Variants in IFT88 observed in about 807,000 individuals in gnomAD.
The protein encoded by IFT88 is intraflagellar transport protein 88 homolog.
In IFT88, 74 loss-of-function variants were observed where a neutral mutation model predicts 119.5. The observed-to-expected ratio is 0.62, with a 90% confidence interval of 0.51 to 0.75. The LOEUF (loss-of-function observed/expected upper bound fraction) is 0.75, where lower values mean the gene tolerates loss of function less well. IFT88 is among the 30% of genes least tolerant of loss of function. The probability of loss-of-function intolerance (pLI) is 0.00; values close to 1 mark genes in which losing one functional copy is unlikely to be tolerated. For missense variants in IFT88, 961 were observed against 977.7 expected, an observed-to-expected ratio of 0.98 and a Z score of 0.23; for synonymous variants, 279 against 316.7, an observed-to-expected ratio of 0.88 and a Z score of 1.26.
intron 15 of IFT88, 66 bp downstream of exon 15, chr13:20,625,915 T>C: frequency 2.9e-6 from 2 of 687,840 alleles, no homozygotes; most frequent in Middle Eastern, 4.1e-4. Flanking sequence ...TAAAAACAGG[T>C]AAACTCCTTT....
chr13:20,624,763 A>G (rs943350500), intron 14 of IFT88, among the ~76,000 whole-genome samples: 2 of 152,142 alleles, frequency 1.3e-5, no homozygotes, highest in Non-Finnish European at 2.9e-5. Flanking sequence ...AGGTTTCCTT[A>G]CACTTGCTCA....
intron 23 of IFT88, among the ~76,000 whole-genome samples, chr13:20,664,876 G>A (rs1050496023): frequency 1.3e-5 from 2 of 152,080 alleles, no homozygotes; most frequent in Non-Finnish European, 2.9e-5. Flanking sequence ...TCAGGAGATC[G>A]AGACCATCCT....
At position 20,662,492 on chromosome 13, in the gene IFT88, C is replaced by T. The variant is rs144599772; in HGVS notation, c.2069-1006C>T. Among the ~76,000 whole-genome samples, 168 of 152,192 alleles carry T rather than the reference C, an allele frequency of 1.1e-3. 2 individuals carry two copies. The highest frequency in any genetic ancestry group is 3.8e-3 in the African/African-American group (157 of 41,536). The stretch of plus-strand genomic sequence containing the variant: ...TCCTGATACCAAAGCCACACAGAGA[C>T]ACAACAAAAAAAGAGAATTTTAGAC... On this transcript the variant is annotated intron_variant, in intron 22 of 25. Coordinates refer to ENST00000351808, the MANE Select transcript of IFT88 (RefSeq NM_006531.5).
chr13:20,680,344 C>T (rs181653795), intron 24 of IFT88, among the ~76,000 whole-genome samples: 55 of 152,302 alleles, frequency 3.6e-4, no homozygotes, highest in African/African-American at 1.2e-3. Flanking sequence ...AGGGCTTAGA[C>T]GGGCCTCTAT....
chr13:20,679,596 A>G (rs1036921015), intron 24 of IFT88, among the ~76,000 whole-genome samples: 1 of 152,312 alleles, frequency 6.6e-6, no homozygotes, highest in East Asian at 1.9e-4. Flanking sequence ...CAAGAAAACA[A>G]TCTATATTCT....
chr13:20,571,319 G>T (rs1473164454), intron 1 of IFT88, among the ~76,000 whole-genome samples: 1 of 152,196 alleles, frequency 6.6e-6, no homozygotes, highest in Admixed American at 6.5e-5. Context: ...TTAGGAATTT[G>T]CTGGTGCACT....
intron 3 of IFT88, among the ~76,000 whole-genome samples, chr13:20,588,506 T>C (rs189123178): frequency 6.6e-6 from 1 of 152,328 alleles, no homozygotes; most frequent in Admixed American, 6.5e-5. Flanking sequence ...AGAGATACTT[T>C]ATGGCTCTAT....
In IFT88 at chr13:20,671,035, C is replaced by T. The variant is rs202072254; in HGVS notation, c.2238C>T (p.Ser746=). The T allele has an allele frequency of 1.3e-3, 2,125 of 1,613,150 alleles. 47 individuals are homozygous for T. The South Asian group carries it at 0.017, about 13-fold the overall frequency. ...GTGGCAAAAGAGAAGGAAGTGCTAG[C>T]GGTGGTAAGTATTTTCTCTTTCCCT... ...GSRGKREGSA[S]GDSGQNYSAS... Residue 746 remains serine, a synonymous_variant, in exon 24 of 26, where the codon AGC becomes AGT. Transcript: ENST00000351808.
chr13:20,588,952 T>C (rs1334541626), intron 3 of IFT88, among the ~76,000 whole-genome samples: 1 of 152,188 alleles, frequency 6.6e-6, no homozygotes, highest in East Asian at 1.9e-4. Context: ...CAGGCCCTCA[T>C]CACCAGTGTT....
chr13:20,656,522 C>T (rs556170083), intron 22 of IFT88, 92 bp downstream of exon 22: 88 of 477,682 alleles, frequency 1.8e-4, no homozygotes, highest in African/African-American at 1.2e-3. Context: ...TAATTGTATA[C>T]GTAAATACCA....
At chr13:20,628,677 G>A (rs576963642) in intron 15 of IFT88, among the ~76,000 whole-genome samples, 3 of 152,170 alleles carry the variant, frequency 2.0e-5, no homozygotes, top group Admixed American at 6.5e-5. Flanking sequence ...GAATAATTAT[G>A]TAGCCTTTTT....
intron 15 of IFT88, among the ~76,000 whole-genome samples, chr13:20,628,492 T>G (rs1353823905): frequency 6.6e-6 from 1 of 152,228 alleles, no homozygotes; most frequent in Non-Finnish European, 1.5e-5. Flanking sequence ...CCATTTAGAA[T>G]GAAATTTAAT....
At chr13:20,624,490 G>C (rs2047004740) in intron 14 of IFT88, among the ~76,000 whole-genome samples, 1 of 152,184 alleles carries the variant, frequency 6.6e-6, no homozygotes. Context: ...AAACAGAAAG[G>C]CAGGGGAAGG....
intron 24 of IFT88, among the ~76,000 whole-genome samples, chr13:20,675,132 A>C (rs7325875): frequency 0.26 from 38,831 of 151,924 alleles, 6,472 homozygotes; most frequent in African/African-American, 0.47. Flanking sequence ...CAGTGCCCAC[A>C]AGGGAGGACG....
intron 21 of IFT88, among the ~76,000 whole-genome samples, chr13:20,654,516 T>A (rs1326917881): frequency 2.0e-5 from 3 of 152,210 alleles, no homozygotes; most frequent in Non-Finnish European, 2.9e-5. Flanking sequence ...GAGAGAAATG[T>A]GAACAAATTT....
intron 7 of IFT88, among the ~76,000 whole-genome samples, chr13:20,594,966 A>T (rs952772991): frequency 2.0e-5 from 3 of 152,238 alleles, no homozygotes; most frequent in Non-Finnish European, 4.4e-5. Flanking sequence ...ATTGATGTGT[A>T]TTCAGAGTAT....
At chr13:20,617,155 A>G (rs1436757365) in intron 14 of IFT88, among the ~76,000 whole-genome samples, 1 of 152,156 alleles carries the variant, frequency 6.6e-6, no homozygotes, top group Non-Finnish European at 1.5e-5. Flanking sequence ...CAAAATGTAG[A>G]AAAAGTGATA....
At chr13:20,568,946 T>G (rs1457165641) in intron 1 of IFT88, among the ~76,000 whole-genome samples, 1 of 152,062 alleles carries the variant, frequency 6.6e-6, no homozygotes, top group Admixed American at 6.5e-5. Context: ...GGTCTCGATC[T>G]CCTGACCTCG....
chr13:20,645,050 C>G (rs186829896), intron 20 of IFT88, 92 bp downstream of exon 20: 123 of 562,584 alleles, frequency 2.2e-4, no homozygotes, highest in Admixed American at 1.9e-3. Context: ...CTAGTAAATT[C>G]AAGAACAGAT....
Sources: gnomAD v4.1 joint callset for allele counts (sites outside exome capture counted in the v4.1 genomes callset) on GRCh38, gnomAD v4.1.1 for gene constraint, MANE v1.5 for transcripts, NCBI Gene and HGNC (gene_info 2026-07-23, HGNC 2026-07-21) for gene names.